TUBGCP3: variants seen among roughly 807,000 people sequenced by gnomAD.
TUBGCP3 encodes the protein gamma-tubulin complex component 3.
TUBGCP3 carries 50 observed loss-of-function variants against 123.1 expected under a neutral mutation model. The observed-to-expected ratio is 0.41, with a 90% CI of 0.32 to 0.51. The LOEUF is 0.51. TUBGCP3 is among the 20% of genes least tolerant of loss of function. The pLI, the probability that TUBGCP3 is intolerant of heterozygous loss-of-function variation, is 0.36. For synonymous variants in TUBGCP3, 405 were observed against 413.9 expected, an observed-to-expected ratio of 0.98 and a Z score of 0.26; for missense variants, 882 against 1,127.0, an observed-to-expected ratio of 0.78 and a Z score of 3.11.
At chr13:112,541,195 T>C (rs1478484040) in intron 11 of TUBGCP3, among the ~76,000 whole-genome samples, 1 of 152,130 alleles carries the variant, frequency 6.6e-6, no homozygotes, top group Non-Finnish European at 1.5e-5. Context: ...GAATAACACA[T>C]AAGGCAGAGA....
At chr13:112,590,197 C>T (rs1159984652), upstream of TUBGCP3, among the ~76,000 whole-genome samples, 1 of 152,036 alleles carries the variant, frequency 6.6e-6, no homozygotes, top group African/African-American at 2.4e-5. Context: ...AGAATGGTCT[C>T]GATCTCCTGA....
At chr13:112,561,277 C>T (rs1880497882) in intron 3 of TUBGCP3, among the ~76,000 whole-genome samples, 1 of 152,190 alleles carries the variant, frequency 6.6e-6, no homozygotes. Context: ...GCAACAGGGG[C>T]CCGTGAGGCT....
chr13:112,516,418 C>G, intron 17 of TUBGCP3, 22 bp downstream of exon 17: 1 of 1,574,284 alleles, frequency 6.4e-7, no homozygotes, highest in Non-Finnish European at 8.6e-7. Flanking sequence ...TGTGCGGACC[C>G]GTGACCGTGC....
Position 112,508,253 on chromosome 13 carries a change from T to C in TUBGCP3, c.2087-3539A>G, listed in dbSNP as rs778975023. On this transcript the variant is annotated intron_variant, in intron 17 of 21. Coordinates refer to ENST00000261965, the MANE Select transcript of TUBGCP3 (RefSeq NM_006322.6). This position sits in a 1 kb window ranked among gnomAD's most constrained non-coding sequence, Gnocchi z 4.2. ...AAGGCCAACCCGTATCCCCTCACTC[T>C]GAATCCATCTATTCCTCCTCTGTGA... is the stretch of plus-strand genomic sequence containing the variant. Among the ~76,000 whole-genome samples, 13 of 152,296 alleles carry C rather than the reference T, an allele frequency of 8.5e-5. No individual in the cohort carries two copies. Among genetic ancestry groups the C allele is most frequent in the Non-Finnish European group, 1.9e-4 (13 of 68,026 alleles).
intron 2 of TUBGCP3, among the ~76,000 whole-genome samples, chr13:112,566,090 A>G (rs758673589): frequency 7.2e-5 from 11 of 152,358 alleles, no homozygotes; most frequent in Non-Finnish European, 1.5e-4. Flanking sequence ...AGCTACACTT[A>G]CAAATTATCT....
chr13:112,605,337 T>TAATAATAATAATAATAATAATAACAAC, the TUBGCP3 span: 15 of 147,282 alleles, frequency 1.0e-4, no homozygotes, highest in South Asian at 6.4e-4. Context: ...ATAATAATAA[T>TAATAATAATAATAATAATAATAACAAC]AACAACAGCT....
At chr13:112,556,510 T>C (rs773593044) in intron 5 of TUBGCP3, among the ~76,000 whole-genome samples, 2 of 152,202 alleles carry the variant, frequency 1.3e-5, no homozygotes, top group African/African-American at 4.8e-5. Context: ...TTACCATTAA[T>C]ATCAAAATCT....
At chr13:112,492,613 G>T (rs1296143528) in intron 20 of TUBGCP3, among the ~76,000 whole-genome samples, 1 of 151,426 alleles carries the variant, frequency 6.6e-6, no homozygotes, top group African/African-American at 2.4e-5. Flanking sequence ...GGGGCCTGGT[G>T]TGCCTGAGAC....
chr13:112,514,285 C>T (rs1479565825), intron 17 of TUBGCP3, among the ~76,000 whole-genome samples: 1 of 139,770 alleles, frequency 7.2e-6, no homozygotes, highest in East Asian at 2.2e-4. Context: ...TTTCAGGCAT[C>T]CATGGGGTGG....
intron 19 of TUBGCP3, among the ~76,000 whole-genome samples, chr13:112,501,575 T>C (rs1880907627): frequency 6.6e-6 from 1 of 152,238 alleles, no homozygotes; most frequent in African/African-American, 2.4e-5. Flanking sequence ...CAGAACCGCC[T>C]TGGTTTTCTT....
chr13:112,519,158 T>C lies in TUBGCP3; in HGVS notation c.1882-115A>G. 2.6e-6 allele frequency: 2 copies of C among 780,952 alleles called. No homozygotes were observed. Among genetic ancestry groups the C allele is most frequent in the Admixed American group, 2.1e-5 (1 of 46,758 alleles). The allele number at this position is 780,952 out of a possible 1,614,324, so 48.4% of individuals were successfully genotyped here. A position where few individuals can be genotyped will look rare whatever the true frequency, so the allele number is the denominator to read the frequency against. ...CCAATTGTTAAAAACTGCTCAACAGTTCTGAGTGCATCTTCTTGTTAACTT... is the reference window on the plus strand; with the variant it reads ...CCAATTGTTAAAAACTGCTCAACAGCTCTGAGTGCATCTTCTTGTTAACTT... On this transcript the variant is annotated intron_variant, in intron 15 of 21. Transcript: ENST00000261965. The surrounding 1 kb of genome is among the most constrained non-coding windows in gnomAD (Gnocchi z 6.2).
At chr13:112,549,403 C>G (rs1214030864) in intron 8 of TUBGCP3, among the ~76,000 whole-genome samples, 2 of 151,984 alleles carry the variant, frequency 1.3e-5, no homozygotes, top group Non-Finnish European at 2.9e-5. Flanking sequence ...TTAAAGGGTG[C>G]AGCACACCAA....
intron 13 of TUBGCP3, among the ~76,000 whole-genome samples, chr13:112,523,089 G>A (rs1473898130): frequency 2.6e-5 from 4 of 152,196 alleles, no homozygotes; most frequent in African/African-American, 9.7e-5. Context: ...ATTGCAGGTG[G>A]AGACTATACA....
At position 112,558,228 on chromosome 13, in the gene TUBGCP3, G is replaced by A. The variant is rs200060541; in HGVS notation, c.516C>T (p.Gly172=). 3 of 1,611,998 alleles carry A rather than the reference G, an allele frequency of 1.9e-6. No individual in the cohort carries two copies. Among genetic ancestry groups the A allele is most frequent in the Non-Finnish European group, 2.5e-6 (3 of 1,179,800 alleles). Residue 172 remains glycine, a synonymous_variant, in exon 5 of 22, where the codon GGC becomes GGT. Transcript: ENST00000261965. ...ISSIGLCALS[G]PAPAPQSLLP... ...GGAGAGATTGTGGCGCAGGCGCGGG[G>A]CCACTGAGGGCACACAGGCCAATGC...
chr13:112,535,859 G>C (rs1878002251), intron 11 of TUBGCP3, among the ~76,000 whole-genome samples: 1 of 152,132 alleles, frequency 6.6e-6, no homozygotes, highest in Non-Finnish European at 1.5e-5. Context: ...TGGTCCCAAA[G>C]ATTTACCACT....
chr13:112,602,081 C>T, the TUBGCP3 span, among the ~76,000 whole-genome samples: 1 of 152,208 alleles, frequency 6.6e-6, no homozygotes, highest in South Asian at 2.1e-4. Flanking sequence ...TGGTGAGTAG[C>T]CTGCCCAAGT....
chr13:112,498,866 G>C (rs767864580), intron 20 of TUBGCP3, 179 bp downstream of exon 20: 1 of 1,609,632 alleles, frequency 6.2e-7, no homozygotes, highest in Non-Finnish European at 8.5e-7. Context: ...TGCCAGTGAG[G>C]GTGGCCCCTC....
chr13:112,564,635 G>A (rs1880809195), intron 3 of TUBGCP3, among the ~76,000 whole-genome samples: 1 of 152,014 alleles, frequency 6.6e-6, no homozygotes. Flanking sequence ...GGGGAACACA[G>A]CGAAGCTGCG....
chr13:112,567,683 T>C (rs957444735), intron 2 of TUBGCP3, among the ~76,000 whole-genome samples: 2 of 152,206 alleles, frequency 1.3e-5, no homozygotes, highest in African/African-American at 4.8e-5. Context: ...CCACTGCTCG[T>C]CCAGCCCTGA....
Sources: allele counts gnomAD v4.1 joint callset (sites outside exome capture counted in the v4.1 genomes callset), GRCh38; gene constraint gnomAD v4.1.1; non-coding constraint Gnocchi (gnomAD v3.1); transcripts MANE v1.5; gene names NCBI Gene and HGNC (gene_info 2026-07-23, HGNC 2026-07-21).